TFE3: variants seen among roughly 807,000 people sequenced by gnomAD.
TFE3 encodes the protein transcription factor E3.
Under a neutral mutation model 35.0 loss-of-function variants are expected in TFE3, and 5 were observed. The observed-to-expected ratio is 0.14, with a 90% CI of 0.07 to 0.30. TFE3 has a LOEUF of 0.30. Among genes scored for constraint, TFE3 ranks in the 10% least tolerant of loss-of-function variants. The pLI is 1.00. For synonymous variants in TFE3, 211 were observed against 215.6 expected (o/e 0.98, Z 0.18); for missense variants, 374 against 496.6 (o/e 0.75, Z 2.35).
chrX:49,033,804 A>G, intron 6 of TFE3, 22 bp from the exon 7 acceptor site: 4 of 1,207,897 alleles, frequency 3.3e-6, no homozygotes, highest in Non-Finnish European at 4.5e-6. Context: ...TGGAGTGATC[A>G]GGGCCTCTGA....
At chrX:49,041,798 C>T (rs1281944483) in intron 1 of TFE3, among the ~76,000 whole-genome samples, 1 of 112,365 alleles carries the variant, frequency 8.9e-6, no homozygotes, top group African/African-American at 3.2e-5. Context: ...TTAACACACA[C>T]GTGGATGAAT....
At position 49,029,978 on chromosome X, in the gene TFE3, G is replaced by T. The variant is rs1557073388; in HGVS notation, c.*180C>A. 1 of 534,029 alleles carries T rather than the reference G, an allele frequency of 1.9e-6. No homozygotes were observed. Among genetic ancestry groups the T allele is most frequent in the Non-Finnish European group, 3.2e-6 (1 of 311,297 alleles). 44.0% of individuals were successfully genotyped at this position (534,029 alleles called of 1,213,427 possible). ...GGCGGTTCCTTTGGGGAAGGTGCAG[G>T]GCCTCATCTGACTCCTCCTCCTTGC... On this transcript the variant is annotated 3_prime_UTR_variant, in exon 10 of 10. Coordinates refer to ENST00000315869, the MANE Select transcript of TFE3 (RefSeq NM_006521.6).
In TFE3 at chrX:49,039,134, A is replaced by T; in HGVS notation, c.507T>A (p.Pro169=). The change falls in exon 3 of 10, where the codon CCT becomes CCA. Residue 169 remains proline, a synonymous_variant. Coordinates refer to ENST00000315869, the MANE Select transcript of TFE3 (RefSeq NM_006521.6). The part of the protein sequence containing the change: ...AGGHTLSRPP[P]AQVPREVLKV... ...TGAGCACCTCCCTGGGCACCTGAGC[A>T]GGGGGTGGACGGCTCAATGTGTGGC... 2 of 1,175,980 alleles carry T rather than the reference A, an allele frequency of 1.7e-6. No individual in the cohort carries two copies.
chrX:49,034,041 C>A, intron 6 of TFE3, 93 bp downstream of exon 6: 1 of 787,169 alleles, frequency 1.3e-6, no homozygotes, highest in Non-Finnish European at 1.9e-6. Flanking sequence ...CCAAACCATT[C>A]CCCTCAGAAT....
chrX:49,030,531 G>A lies in TFE3; in HGVS notation c.1355C>T (p.Thr452Met), dbSNP rs781836515. 2.0e-4 allele frequency: 242 copies of A among 1,209,684 alleles called. No individual in the cohort carries two copies. Among genetic ancestry groups the A allele is most frequent in the Non-Finnish European group, 2.6e-4 (231 of 895,091 alleles). The change falls in exon 10 of 10, where the codon ACG (threonine) becomes ATG (methionine). Residue 452 changes from threonine to methionine, a missense_variant. This residue lies in a region of TFE3 where 117 missense variants were observed against 111.9 expected (regional missense o/e 1.05). Coordinates refer to ENST00000315869, the MANE Select transcript of TFE3 (RefSeq NM_006521.6). Reference protein sequence around the residue: ...PPTPGLLSLATTSASDSLKPE... With the variant: ...PPTPGLLSLAMTSASDSLKPE... Reference sequence around the variant, plus strand: ...CTTGAGGCTGTCAGAAGCCGAAGTCGTGGCCAAGGAAAGCAGCCCTGGAGT... The same window carrying A: ...CTTGAGGCTGTCAGAAGCCGAAGTCATGGCCAAGGAAAGCAGCCCTGGAGT...
intron 5 of TFE3, 146 bp from the exon 6 acceptor site, chrX:49,034,397 T>C: frequency 2.1e-6 from 1 of 466,714 alleles, no homozygotes; most frequent in Non-Finnish European, 3.8e-6. Flanking sequence ...ACCAGAACCC[T>C]TGCTTCTCCT....
intron 8 of TFE3, among the ~76,000 whole-genome samples, chrX:49,032,990 CG>C (rs2064708105): frequency 9.2e-6 from 1 of 108,771 alleles, no homozygotes; most frequent in South Asian, 3.9e-4. Context: ...TTAGTAGAGA[CG>C]GGGTTTCATC....
intron 8 of TFE3, among the ~76,000 whole-genome samples, chrX:49,032,946 G>A (rs2064707925): frequency 9.0e-6 from 1 of 111,382 alleles, no homozygotes; most frequent in African/African-American, 3.3e-5. Context: ...GATTACAAGT[G>A]TGAGCCACTG....
At position 49,030,338 on chromosome X, in the gene TFE3, G is replaced by A. The variant is rs1345646148; in HGVS notation, c.1548C>T (p.Pro516=). 1 of 1,206,131 alleles carries A rather than the reference G, an allele frequency of 8.3e-7. No homozygotes were observed. The highest frequency in any genetic ancestry group is 3.0e-5 in the East Asian group (1 of 33,610). Reference sequence around the variant, plus strand: ...GAATGTCCTCCAGCCCCAGGTGGAAGGGGTCTCCCAGGTCCCCCAGGTGGT... The same window carrying A: ...GAATGTCCTCCAGCCCCAGGTGGAAAGGGTCTCCCAGGTCCCCCAGGTGGT... ...PSDHLGDLGD[P]FHLGLEDILM... Residue 516 remains proline (P), a synonymous_variant, in exon 10 of 10, where the codon CCC becomes CCT. Transcript: ENST00000315869.
Position 49,043,106 on chromosome X carries a change from C to G in TFE3, c.116+5G>C, listed in dbSNP as rs782568769. 4.3e-6 allele frequency: 5 copies of G among 1,165,303 alleles called. No homozygotes were observed. The highest frequency in any genetic ancestry group is 5.7e-6 in the Non-Finnish European group (5 of 874,288). On this transcript the variant is annotated splice_donor_5th_base_variant and intron_variant, in intron 1 of 9. Coordinates refer to ENST00000315869, the MANE Select transcript of TFE3 (RefSeq NM_006521.6). ...CGGCACTCCCAGCCCCAGGCGGCCC[C>G]GCACCTGAGCAGCTGAGCCGAGTCG...
intron 1 of TFE3, among the ~76,000 whole-genome samples, chrX:49,042,436 A>C (rs1237029687): frequency 9.0e-6 from 1 of 111,032 alleles, no homozygotes; most frequent in Non-Finnish European, 1.9e-5. Context: ...GGGCTTTTCC[A>C]CTATCCTTGG....
At chrX:49,034,891 C>T in intron 5 of TFE3, among the ~76,000 whole-genome samples, 1 of 111,969 alleles carries the variant, frequency 8.9e-6, no homozygotes, top group East Asian at 2.8e-4. Flanking sequence ...TCTTCCTGCA[C>T]ATTCTGTTCT....
At chrX:49,043,035 C>T (rs911889591) in intron 1 of TFE3, 76 bp downstream of exon 1, 207 of 913,978 alleles carry the variant, frequency 2.3e-4, no homozygotes, top group Admixed American at 6.8e-4. Flanking sequence ...CAATCCCAGT[C>T]CGGGGCCCCC....
At chrX:49,035,344 A>AATAAATAAATAAATAAATAC (rs1360835589) in intron 5 of TFE3, among the ~76,000 whole-genome samples, 2 of 106,008 alleles carry the variant, frequency 1.9e-5, no homozygotes, top group African/African-American at 6.8e-5. Context: ...TAAATAAATA[A>AATAAATAAATAAATAAATAC]ATACAAATAA....
chrX:49,030,058 C>T lies in TFE3; in HGVS notation c.*100G>A, dbSNP rs1233214753. 6 of 896,322 alleles carry T rather than the reference C, an allele frequency of 6.7e-6. No homozygotes were observed. Among genetic ancestry groups the T allele is most frequent in the Non-Finnish European group, 9.4e-6 (6 of 637,002 alleles). 73.9% of individuals were successfully genotyped at this position (896,322 alleles called of 1,213,427 possible). On this transcript the variant is annotated 3_prime_UTR_variant, in exon 10 of 10. Transcript: ENST00000315869. The stretch of plus-strand genomic sequence containing the variant: ...CTCCTCTTCCCCCAGGATACCTGGG[C>T]AGGGCAGTCTCATGGGAGGGTGGGG...
intron 3 of TFE3, 32 bp downstream of exon 3, chrX:49,039,074 GC>G (rs2064746132): frequency 8.9e-7 from 1 of 1,121,863 alleles, no homozygotes; most frequent in Non-Finnish European, 1.2e-6. Context: ...GTCACCAGGA[GC>G]CCCCTCCCAG....
Position 49,030,584 on chromosome X carries a change from G to C in TFE3, c.1302C>G (p.Ala434=). Reference sequence around the variant, plus strand: ...GAGGTACTGGCAGGCCATGGATCTGGGCCTGCAGTTCTAGTTCCTGTAAAA... The same window carrying C: ...GAGGTACTGGCAGGCCATGGATCTGCGCCTGCAGTTCTAGTTCCTGTAAAA... ...QLRIQELELQ[A]QIHGLPVPPT... Residue 434 remains alanine (A), a synonymous_variant, in exon 10 of 10, where the codon GCC becomes GCG. Transcript: ENST00000315869. 1.7e-6 allele frequency: 2 copies of C among 1,209,442 alleles called. No homozygotes were observed. The highest frequency in any genetic ancestry group is 3.0e-5 in the East Asian group (1 of 33,822).
intron 5 of TFE3, among the ~76,000 whole-genome samples, chrX:49,035,415 T>C (rs1227648310): frequency 9.6e-4 from 9 of 9,414 alleles, no homozygotes; most frequent in African/African-American, 1.3e-3. Flanking sequence ...TTTTTTTTTT[T>C]TTTTTTTTGG....
intron 5 of TFE3, among the ~76,000 whole-genome samples, chrX:49,035,697 G>A (rs2064725597): frequency 9.2e-6 from 1 of 109,074 alleles, no homozygotes; most frequent in Non-Finnish European, 1.9e-5. Flanking sequence ...GTGAGCCACC[G>A]TGCCTGGCTG....
Sources: allele counts gnomAD v4.1 joint callset (sites outside exome capture counted in the v4.1 genomes callset), GRCh38; gene constraint gnomAD v4.1.1; regional missense constraint gnomAD v4.1.1; transcripts MANE v1.5; gene names NCBI Gene and HGNC (gene_info 2026-07-23, HGNC 2026-07-21).